The following KIF11 variants were observed in gnomAD, a reference collection of about 807,000 sequenced individuals.
KIF11 encodes the protein kinesin family member 11.
A neutral mutation model predicts 121.0 loss-of-function variants in KIF11; 9 were observed. The ratio of observed to expected loss-of-function variants is 0.07; its 90% CI spans 0.04 to 0.13. The LOEUF (loss-of-function observed/expected upper bound fraction) is 0.13, where lower values mean the gene tolerates loss of function less well. KIF11 is among the 10% of genes least tolerant of loss of function. KIF11 has a pLI of 1.00. For missense variants in KIF11, 846 were observed against 1,217.5 expected (o/e 0.69, Z 4.54); for synonymous variants, 408 against 421.0 (o/e 0.97, Z 0.38).
intron 16 of KIF11, among the ~76,000 whole-genome samples, chr10:92,638,568 C>T (rs928638056): frequency 1.3e-5 from 2 of 152,036 alleles, no homozygotes; most frequent in Non-Finnish European, 2.9e-5. Flanking sequence ...TTTAAAAAAA[C>T]AATACAAAAA....
chr10:92,644,338 C>CA (rs1265535909), intron 17 of KIF11, among the ~76,000 whole-genome samples: 1 of 151,952 alleles, frequency 6.6e-6, no homozygotes, highest in African/African-American at 2.4e-5. Flanking sequence ...TTATTTGAGA[C>CA]AGAGTCTTGC....
At chr10:92,595,499 C>T (rs1488263946) in intron 1 of KIF11, among the ~76,000 whole-genome samples, 2 of 152,050 alleles carry the variant, frequency 1.3e-5, no homozygotes, top group South Asian at 4.1e-4. Flanking sequence ...CTACATAATG[C>T]GCTACTGGTT....
intron 10 of KIF11, among the ~76,000 whole-genome samples, chr10:92,622,297 AGATAAATAAAAAATAGGCGC>A (rs1195656264): frequency 1.1e-4 from 16 of 151,742 alleles, no homozygotes; most frequent in Admixed American, 9.9e-4. Flanking sequence ...ATAAAATAAT[AGATAAATAAAAAATAGGCGC>A]GATAAATAAA....
intron 6 of KIF11, among the ~76,000 whole-genome samples, chr10:92,609,718 A>G (rs917023636): frequency 5.9e-5 from 9 of 151,982 alleles, no homozygotes; most frequent in African/African-American, 2.2e-4. Flanking sequence ...GATAAGTTGA[A>G]CCATAGCTGA....
intron 8 of KIF11, among the ~76,000 whole-genome samples, chr10:92,614,616 C>G (rs1409161430): frequency 6.6e-6 from 1 of 152,030 alleles, no homozygotes; most frequent in African/African-American, 2.4e-5. Flanking sequence ...GACTTAGAAG[C>G]AGGCCAAGTG....
At chr10:92,621,552 C>T in intron 10 of KIF11, 79 bp downstream of exon 10, 1 of 819,250 alleles carries the variant, frequency 1.2e-6, no homozygotes, top group Non-Finnish European at 2.0e-6. Flanking sequence ...ACTTATGTAG[C>T]AGTAAGTAAA....
chr10:92,609,225 T>A lies in KIF11; in HGVS notation c.573+20T>A, dbSNP rs1489074449. 1 of 1,542,318 alleles carries A rather than the reference T, an allele frequency of 6.5e-7. No homozygotes were observed. Among genetic ancestry groups the A allele is most frequent in the Admixed American group, 2.0e-5 (1 of 49,544 alleles). On this transcript the variant is annotated intron_variant, in intron 5 of 21. Transcript: ENST00000260731. ...AACAAGGTAATTCAGTCTTTGAGAA[T>A]GAAATGTCTCTGAATTTTAATGTGT...
intron 19 of KIF11, among the ~76,000 whole-genome samples, 181 bp from the exon 20 acceptor site, chr10:92,649,654 C>T (rs1235577616): frequency 3.3e-5 from 5 of 152,116 alleles, no homozygotes; most frequent in Admixed American, 6.5e-5. Context: ...AGTCTGTCAT[C>T]AAATTAGAAA....
At chr10:92,597,068 C>A in intron 1 of KIF11, 1 of 374,320 alleles carries the variant, frequency 2.7e-6, no homozygotes. Context: ...AGAAGTTGTT[C>A]TTTCTTGATT....
At chr10:92,598,600 A>G (rs908999854) in intron 1 of KIF11, among the ~76,000 whole-genome samples, 3 of 152,150 alleles carry the variant, frequency 2.0e-5, no homozygotes, top group African/African-American at 7.2e-5. Context: ...TATGAATTTG[A>G]GGATGAATTT....
At chr10:92,644,552 C>G (rs1844899491) in intron 17 of KIF11, among the ~76,000 whole-genome samples, 1 of 152,338 alleles carries the variant, frequency 6.6e-6, no homozygotes, top group South Asian at 2.1e-4. Flanking sequence ...CTCCTGACCT[C>G]AGGTGATCCA....
intron 1 of KIF11, among the ~76,000 whole-genome samples, chr10:92,601,119 A>G (rs979833885): frequency 1.3e-5 from 2 of 152,060 alleles, no homozygotes; most frequent in South Asian, 2.1e-4. Context: ...TGGCCTCCCA[A>G]AGTGCTGGGA....
At chr10:92,599,978 CT>C (rs1844349583) in intron 1 of KIF11, among the ~76,000 whole-genome samples, 1 of 128,408 alleles carries the variant, frequency 7.8e-6, no homozygotes, top group African/African-American at 3.3e-5. Flanking sequence ...AACTATTGAA[CT>C]TCTGTTTATT....
At chr10:92,611,690 G>A (rs1474811778) in intron 6 of KIF11, among the ~76,000 whole-genome samples, 4 of 151,962 alleles carry the variant, frequency 2.6e-5, no homozygotes, top group Admixed American at 2.0e-4. Context: ...CTTGAGGTCC[G>A]GAGTTCAAGA....
intron 16 of KIF11, among the ~76,000 whole-genome samples, chr10:92,639,357 G>A (rs1187955400): frequency 2.6e-5 from 4 of 152,114 alleles, no homozygotes; most frequent in African/African-American, 9.7e-5. Context: ...AGAGGCTGAG[G>A]CAGGGTGATC....
At chr10:92,648,995 G>A (rs1844951746) in intron 19 of KIF11, among the ~76,000 whole-genome samples, 1 of 152,136 alleles carries the variant, frequency 6.6e-6, no homozygotes, top group African/African-American at 2.4e-5. Flanking sequence ...GTTTTACACA[G>A]CATGAATAAT....
chr10:92,631,792 C>T (rs1217779835), intron 12 of KIF11, among the ~76,000 whole-genome samples: 1 of 152,094 alleles, frequency 6.6e-6, no homozygotes, highest in East Asian at 1.9e-4. Context: ...TCTCCCGCCT[C>T]AGCCTCCCAA....
chr10:92,630,045 T>G (rs1844719686), intron 11 of KIF11, 131 bp from the exon 12 acceptor site: 3 of 559,032 alleles, frequency 5.4e-6, no homozygotes, highest in African/African-American at 1.9e-5. Flanking sequence ...CAGGATGACA[T>G]ATTTGTGTTA....
At position 92,593,336 on chromosome 10, in the gene KIF11, A is replaced by C; in HGVS notation, c.-40A>C. The stretch of plus-strand genomic sequence containing the variant: ...AGCCCCTCCGCCCCTCACAGCGCCC[A>C]GGTCCGCGGCCGGGCCTTGATTTTT... On this transcript the variant is annotated 5_prime_UTR_variant, in exon 1 of 22. Transcript: ENST00000260731. 6.3e-7 allele frequency: 1 copy of C among 1,578,598 alleles called. No individual in the cohort carries two copies. Among genetic ancestry groups the C allele is most frequent in the South Asian group, 1.2e-5 (1 of 86,630 alleles).
Sources: gnomAD v4.1 joint callset for allele counts (sites outside exome capture counted in the v4.1 genomes callset) on GRCh38, gnomAD v4.1.1 for gene constraint, MANE v1.5 for transcripts, NCBI Gene and HGNC (gene_info 2026-07-23, HGNC 2026-07-21) for gene names.